CRB1: variants seen among roughly 807,000 people sequenced by gnomAD.
The protein encoded by CRB1 is protein crumbs homolog 1.
In CRB1, 83 loss-of-function variants were observed where a neutral mutation model predicts 120.0. The observed-to-expected ratio is 0.69, with a 90% confidence interval of 0.58 to 0.83. The LOEUF is 0.83. Ranked by LOEUF, CRB1 falls within the 40% of genes least tolerant of loss-of-function variation. The pLI is 0.00. For missense variants in CRB1, 1,699 were observed against 1,687.6 expected, an observed-to-expected ratio of 1.01 and a Z score of -0.12; for synonymous variants, 625 against 612.5, an observed-to-expected ratio of 1.02 and a Z score of -0.30.
the CRB1 span, among the ~76,000 whole-genome samples, chr1:197,250,202 T>C: frequency 6.6e-6 from 1 of 152,058 alleles, no homozygotes; most frequent in African/African-American, 2.4e-5. Flanking sequence ...AAATTATTAA[T>C]CTATTGGAAA....
At chr1:197,420,275 A>G (rs1324966034) in intron 5 of CRB1, among the ~76,000 whole-genome samples, 1 of 152,208 alleles carries the variant, frequency 6.6e-6, no homozygotes, top group Middle Eastern at 3.2e-3. Context: ...AAGGTGTTAT[A>G]CGTATTCATA....
chr1:197,377,713 C>A (rs1374623109), intron 5 of CRB1, among the ~76,000 whole-genome samples: 1 of 152,164 alleles, frequency 6.6e-6, no homozygotes, highest in Non-Finnish European at 1.5e-5. Flanking sequence ...TTCTTCCTAT[C>A]AAGAATCTAA....
chr1:197,244,072 G>A, the CRB1 span, among the ~76,000 whole-genome samples: 1 of 152,072 alleles, frequency 6.6e-6, no homozygotes, highest in Non-Finnish European at 1.5e-5. Flanking sequence ...GTGTGTCTTT[G>A]CACATTAGAT....
intron 1 of CRB1, among the ~76,000 whole-genome samples, chr1:197,277,360 T>C (rs75058452): frequency 0.012 from 1,851 of 152,098 alleles, 15 homozygotes; most frequent in Non-Finnish European, 0.019. Flanking sequence ...TAAATACTTA[T>C]TTTACTTTCT....
At chr1:197,439,915 A>C (rs1665351236) in intron 10 of CRB1, 1 of 152,042 alleles carries the variant, frequency 6.6e-6, no homozygotes, top group African/African-American at 2.4e-5. Context: ...GTATACCTGA[A>C]TTTGACCCTT....
In CRB1 at chr1:197,421,381, A is replaced by T. The variant is rs1416323976; in HGVS notation, c.1553A>T (p.Gln518Leu). The T allele has an allele frequency of 6.2e-7, 1 of 1,614,232 alleles. No individual in the cohort carries two copies. Among genetic ancestry groups the T allele is most frequent in the East Asian group, 2.2e-5 (1 of 44,882 alleles). The stretch of plus-strand genomic sequence containing the variant: ...ATAGCCCTCAGGTTTCAGACTGTTC[A>T]GCCAATGGCTCTTCTACTTTTCCGA... ...CNIALRFQTV[Q>L]PMALLLFRSN... The change falls in exon 6 of 12, where the codon CAG (glutamine) becomes CTG (leucine). Residue 518 changes from glutamine (Q) to leucine (L), a missense_variant. Transcript: ENST00000367400.
chr1:197,270,572 CTCTT>C (rs144417357), intron 1 of CRB1, among the ~76,000 whole-genome samples: 3 of 152,276 alleles, frequency 2.0e-5, no homozygotes, highest in East Asian at 3.9e-4. Flanking sequence ...ACATATCTCT[CTCTT>C]CAATGAGATT....
intron 5 of CRB1, among the ~76,000 whole-genome samples, chr1:197,397,911 C>A (rs1662854119): frequency 6.6e-6 from 1 of 152,018 alleles, no homozygotes; most frequent in East Asian, 1.9e-4. Context: ...TACCTTTGTA[C>A]ACCTAACATG....
At chr1:197,256,842 A>T in the CRB1 span, among the ~76,000 whole-genome samples, 5 of 149,136 alleles carry the variant, frequency 3.4e-5, no homozygotes, top group African/African-American at 5.0e-5. Flanking sequence ...AACAAAAAAA[A>T]CTTGGAGGGT....
In CRB1 at chr1:197,442,429, A is replaced by G. The variant is rs774676532; in HGVS notation, c.4005+137A>G. ...CAGGAAGATTATTAACATACATTTG[A>G]ACATTCCCAAATGAAAAAAAAAGCC... is the stretch of plus-strand genomic sequence containing the variant. On this transcript the variant is annotated intron_variant, in intron 11 of 11. Coordinates refer to ENST00000367400, the MANE Select transcript of CRB1 (RefSeq NM_201253.3). 1.3e-5 allele frequency: 21 copies of G among 1,588,942 alleles called. No homozygotes were observed. The African/African-American group carries it at 1.5e-4, about 11-fold the overall frequency.
intron 8 of CRB1, 133 bp from the exon 9 acceptor site, chr1:197,434,573 G>A: frequency 1.3e-6 from 1 of 777,606 alleles, no homozygotes; most frequent in South Asian, 1.7e-5. Context: ...AAAGCAACTA[G>A]CACAGTATGT....
At chr1:197,344,888 A>G (rs1659679402) in intron 3 of CRB1, among the ~76,000 whole-genome samples, 1 of 152,228 alleles carries the variant, frequency 6.6e-6, no homozygotes, top group Non-Finnish European at 1.5e-5. Flanking sequence ...CCATGTTGGA[A>G]AAGGCAGTGA....
At chr1:197,367,672 T>A (rs1285922072) in intron 5 of CRB1, among the ~76,000 whole-genome samples, 2 of 152,136 alleles carry the variant, frequency 1.3e-5, no homozygotes, top group Non-Finnish European at 2.9e-5. Flanking sequence ...CTCATCCAAG[T>A]CCAATTTTCA....
Position 197,327,091 on chromosome 1 carries a change from C to CAAAAAAAAAAAA in CRB1, c.71-1301_71-1290dup, listed in dbSNP as rs71131753. On this transcript the variant is annotated intron_variant, in intron 1 of 11. Transcript: ENST00000367400. ...ATTTAGTGACTTAATTCTCACACAC[C>CAAAAAAAAAAAA]AAAAAAAAAAAAAAAAAAAAAAAAA... is the stretch of plus-strand genomic sequence containing the variant. Among the ~76,000 whole-genome samples, 58 of 25,664 alleles carry CAAAAAAAAAAAA rather than the reference C, an allele frequency of 2.3e-3. 9 individuals carry two copies. The highest frequency in any genetic ancestry group is 3.5e-3 in the African/African-American group (18 of 5,098). The allele number at this position is 25,664 out of a possible 152,430, so 16.8% of individuals were successfully genotyped here.
At chr1:197,269,502 C>T (rs370020738) in intron 1 of CRB1, among the ~76,000 whole-genome samples, 18 of 152,196 alleles carry the variant, frequency 1.2e-4, no homozygotes, top group Non-Finnish European at 2.1e-4. Flanking sequence ...TTGACTGCAA[C>T]GCACACTCAC....
chr1:197,279,657 G>A (rs569784086), intron 1 of CRB1, among the ~76,000 whole-genome samples: 1 of 150,962 alleles, frequency 6.6e-6, no homozygotes, highest in Admixed American at 6.6e-5. Flanking sequence ...ACTACTTGAA[G>A]TTCAGAATAG....
chr1:197,226,245 C>T, the CRB1 span, among the ~76,000 whole-genome samples: 2 of 152,226 alleles, frequency 1.3e-5, no homozygotes, highest in South Asian at 4.1e-4. Flanking sequence ...AATATCCTTA[C>T]AGGCTACATG....
At chr1:197,379,512 G>A (rs985352913) in intron 5 of CRB1, among the ~76,000 whole-genome samples, 3 of 149,568 alleles carry the variant, frequency 2.0e-5, no homozygotes, top group Non-Finnish European at 4.4e-5. Context: ...GTGTTAGCCA[G>A]GATGGTCTCA....
rs369176674 is a variant in CRB1 at position 197,329,508 on chromosome 1, T to C, written c.652+505T>C. On this transcript the variant is annotated intron_variant, in intron 2 of 11. Coordinates refer to ENST00000367400, the MANE Select transcript of CRB1 (RefSeq NM_201253.3). ...TTTATTAAGAAAAAAAGCCTGTTCT[T>C]GTTTTACGTCTTAGAGCAAACAATT... Among the ~76,000 whole-genome samples, 4 of 152,248 alleles carry C rather than the reference T, an allele frequency of 2.6e-5. No individual in the cohort carries two copies. The East Asian group carries it at 5.8e-4, about 22-fold the overall frequency.
Sources: gnomAD v4.1 joint callset for allele counts (sites outside exome capture counted in the v4.1 genomes callset) on GRCh38, gnomAD v4.1.1 for gene constraint, MANE v1.5 for transcripts, NCBI Gene and HGNC (gene_info 2026-07-23, HGNC 2026-07-21) for gene names.